RAB11FIP4: variants seen among roughly 807,000 people sequenced by gnomAD.
RAB11FIP4 encodes rab11 family-interacting protein 4.
In RAB11FIP4, 23 loss-of-function variants were observed where a neutral mutation model predicts 74.3. That is an observed-to-expected ratio of 0.31 (90% CI 0.22 to 0.44). RAB11FIP4 has a LOEUF of 0.44. Ranked by LOEUF, RAB11FIP4 falls within the 20% of genes least tolerant of loss-of-function variation. RAB11FIP4 has a pLI of 1.00. For synonymous variants in RAB11FIP4, 360 were observed against 359.9 expected, an observed-to-expected ratio of 1.00 and a Z score of 0.00; for missense variants, 630 against 863.9, an observed-to-expected ratio of 0.73 and a Z score of 3.39.
chr17:31,494,785 T>G (rs764453964), intron 3 of RAB11FIP4, among the ~76,000 whole-genome samples: 1 of 152,146 alleles, frequency 6.6e-6, no homozygotes, highest in Non-Finnish European at 1.5e-5. Context: ...CCAGCTTCTG[T>G]GTTTTTAACA....
chr17:31,480,527 C>T (rs534075332), intron 3 of RAB11FIP4, among the ~76,000 whole-genome samples: 3 of 152,124 alleles, frequency 2.0e-5, no homozygotes, highest in South Asian at 4.1e-4. Flanking sequence ...CGGTGGCTCA[C>T]GCCTGTAATC....
intron 3 of RAB11FIP4, among the ~76,000 whole-genome samples, chr17:31,497,843 TTC>T (rs900860855): frequency 8.5e-5 from 13 of 152,154 alleles, no homozygotes; most frequent in Non-Finnish European, 1.5e-4. Flanking sequence ...CTTGGAGATC[TTC>T]TCTCTGCCCC....
chr17:31,517,215 C>CG (rs1257459839), intron 3 of RAB11FIP4, among the ~76,000 whole-genome samples: 2 of 36,868 alleles, frequency 5.4e-5, no homozygotes, highest in African/African-American at 2.0e-4. Context: ...GTGGGGGGGG[C>CG]GGGGGGGAAG....
intron 4 of RAB11FIP4, among the ~76,000 whole-genome samples, chr17:31,520,137 G>A (rs1356963201): frequency 1.3e-5 from 2 of 150,110 alleles, no homozygotes; most frequent in African/African-American, 4.9e-5. Context: ...AAATAACACA[G>A]TATAACAACT....
chr17:31,446,653 C>A (rs575161999), intron 3 of RAB11FIP4, among the ~76,000 whole-genome samples: 193 of 152,064 alleles, frequency 1.3e-3, no homozygotes, highest in African/African-American at 4.5e-3. Flanking sequence ...AAAGACCCCC[C>A]CCACGTCTTT....
chr17:31,429,156 G>A lies in RAB11FIP4; in HGVS notation c.160-2657G>A, dbSNP rs74968521. Among the ~76,000 whole-genome samples the A allele has an allele frequency of 4.9e-4, 75 of 152,200 alleles. No homozygotes were observed. The East Asian group carries it at 0.012, about 24-fold the overall frequency. ...GAAGCCTCTACTATGTACCAGTCAC[G>A]GTGCAAGCGACCAGGTATACAGTGG... On this transcript the variant is annotated intron_variant, in intron 1 of 14. Transcript: ENST00000621161.
chr17:31,457,889 T>C (rs2071594322), intron 3 of RAB11FIP4, among the ~76,000 whole-genome samples: 1 of 152,168 alleles, frequency 6.6e-6, no homozygotes, highest in South Asian at 2.1e-4. Context: ...TCTCTCTATC[T>C]GCACCCCATC....
At chr17:31,454,671 G>A (rs2071561958) in intron 3 of RAB11FIP4, among the ~76,000 whole-genome samples, 1 of 152,080 alleles carries the variant, frequency 6.6e-6, no homozygotes, top group South Asian at 2.1e-4. Flanking sequence ...ATCGCTTGAG[G>A]TCAGGACTTC....
intron 3 of RAB11FIP4, among the ~76,000 whole-genome samples, chr17:31,503,311 G>A (rs1259720505): frequency 6.7e-6 from 1 of 149,800 alleles, no homozygotes; most frequent in Non-Finnish European, 1.5e-5. Context: ...GGGATTGTAG[G>A]TGTGAGCCTG....
intron 3 of RAB11FIP4, among the ~76,000 whole-genome samples, chr17:31,516,996 A>G (rs1005341387): frequency 1.3e-5 from 2 of 151,742 alleles, no homozygotes; most frequent in East Asian, 1.9e-4. Flanking sequence ...CACCCTATGC[A>G]AACATCTGAT....
intron 3 of RAB11FIP4, among the ~76,000 whole-genome samples, chr17:31,451,286 C>T (rs1232689503): frequency 1.3e-5 from 2 of 151,848 alleles, no homozygotes; most frequent in Non-Finnish European, 2.9e-5. Flanking sequence ...TGGTGAAACC[C>T]CGTCTCTACT....
Position 31,520,094 on chromosome 17 carries a change from CAAA to C in RAB11FIP4, c.564-1054_564-1052del, listed in dbSNP as rs10612669. 5.1e-3 allele frequency among the ~76,000 whole-genome samples: 469 copies of C among 91,746 alleles called. 2 individuals are homozygous for C. Among genetic ancestry groups the C allele is most frequent in the African/African-American group, 0.015 (418 of 27,912 alleles). 60.2% of individuals were successfully genotyped at this position (91,746 alleles called of 152,430 possible). A position where few individuals can be genotyped will look rare whatever the true frequency, so the allele number is the denominator to read the frequency against. On this transcript the variant is annotated intron_variant, in intron 4 of 14. Coordinates refer to ENST00000621161, the MANE Select transcript of RAB11FIP4 (RefSeq NM_032932.6). Reference sequence around the variant, plus strand: ...AGGCGACAAAGCAAGACTCTGTCTCCAAAAAAAAAAAAAAAAAAAAGACAAACT... The same window carrying C: ...AGGCGACAAAGCAAGACTCTGTCTCCAAAAAAAAAAAAAAAAAGACAAACT...
At position 31,527,926 on chromosome 17, in the gene RAB11FIP4, G is replaced by A; in HGVS notation, c.1356+3G>A. 6.3e-7 allele frequency: 1 copy of A among 1,590,886 alleles called. No homozygotes were observed. Among genetic ancestry groups the A allele is most frequent in the Non-Finnish European group, 8.6e-7 (1 of 1,168,686 alleles). On this transcript the variant is annotated splice_donor_region_variant and intron_variant, in intron 11 of 14. Coordinates refer to ENST00000621161, the MANE Select transcript of RAB11FIP4 (RefSeq NM_032932.6). ...CTCAAACAGAGAAACTGGATGAGGT[G>A]AGCAGCAGATCCAGGCTTGGAGGGG...
At chr17:31,456,591 T>A (rs764389778) in intron 3 of RAB11FIP4, among the ~76,000 whole-genome samples, 1 of 152,226 alleles carries the variant, frequency 6.6e-6, no homozygotes, top group Non-Finnish European at 1.5e-5. Context: ...TAACAAGAGT[T>A]ACAGCATAAC....
intron 11 of RAB11FIP4, 116 bp downstream of exon 11, chr17:31,528,039 TAAC>T (rs749214261): frequency 9.0e-5 from 68 of 754,866 alleles, no homozygotes; most frequent in Non-Finnish European, 1.4e-4. Context: ...AAAAAGTGAA[TAAC>T]AACTTGTGTT....
chr17:31,480,980 C>A (rs1400895074), intron 3 of RAB11FIP4, among the ~76,000 whole-genome samples: 1 of 152,060 alleles, frequency 6.6e-6, no homozygotes, highest in Non-Finnish European at 1.5e-5. Context: ...AGACTTGGTA[C>A]TGATCAAGGC....
At chr17:31,492,893 CT>C in intron 3 of RAB11FIP4, among the ~76,000 whole-genome samples, 2 of 152,260 alleles carry the variant, frequency 1.3e-5, no homozygotes, top group Non-Finnish European at 2.9e-5. Context: ...CAGAACCCCC[CT>C]GAGCACCCAG....
chr17:31,520,681 G>A (rs944348870), intron 4 of RAB11FIP4, among the ~76,000 whole-genome samples: 1 of 151,914 alleles, frequency 6.6e-6, no homozygotes, highest in African/African-American at 2.4e-5. Flanking sequence ...CTAATTTTTT[G>A]TATTTCTAGT....
intron 3 of RAB11FIP4, among the ~76,000 whole-genome samples, chr17:31,468,561 T>G (rs1028557197): frequency 1.3e-5 from 2 of 152,204 alleles, no homozygotes; most frequent in Admixed American, 6.5e-5. Context: ...CTGGGCACTG[T>G]GTCTCATGCC....
Sources: allele counts gnomAD v4.1 joint callset (sites outside exome capture counted in the v4.1 genomes callset), GRCh38; gene constraint gnomAD v4.1.1; transcripts MANE v1.5; gene names NCBI Gene and HGNC (gene_info 2026-07-23, HGNC 2026-07-21).